Variants in HIKESHI observed in about 807,000 individuals in gnomAD.
HIKESHI encodes heat shock protein nuclear import factor hikeshi.
HIKESHI carries 13 observed loss-of-function variants against 25.7 expected under a neutral mutation model. That is an observed-to-expected ratio of 0.51 (90% confidence interval 0.33 to 0.80). The LOEUF is 0.80. HIKESHI is among the 30% of genes least tolerant of loss of function. HIKESHI has a pLI of 0.02. For synonymous variants in HIKESHI, 76 were observed against 78.7 expected (o/e 0.97, Z 0.18); for missense variants, 174 against 229.5 (o/e 0.76, Z 1.56).
chr11:86,335,869 C>T (rs541652324), intron 2 of HIKESHI, among the ~76,000 whole-genome samples: 16 of 152,262 alleles, frequency 1.1e-4, no homozygotes, highest in Non-Finnish European at 2.4e-4. Flanking sequence ...GTCCAGTTTT[C>T]TACAAAAAAT....
At chr11:86,339,396 T>C (rs1456610551) in intron 3 of HIKESHI, among the ~76,000 whole-genome samples, 1 of 152,220 alleles carries the variant, frequency 6.6e-6, no homozygotes, top group East Asian at 1.9e-4. Context: ...GTCCACAAAA[T>C]AGAATAACAC....
At chr11:86,305,481 G>A (rs773020376) in intron 1 of HIKESHI, among the ~76,000 whole-genome samples, 1 of 151,832 alleles carries the variant, frequency 6.6e-6, no homozygotes, top group Non-Finnish European at 1.5e-5. Flanking sequence ...CTACCTCCTG[G>A]GTTCAAGTGA....
chr11:86,337,984 G>C (rs928445496), intron 3 of HIKESHI, among the ~76,000 whole-genome samples: 1 of 152,062 alleles, frequency 6.6e-6, no homozygotes, highest in East Asian at 1.9e-4. Flanking sequence ...ATAAAATCAA[G>C]CTACTTAACA....
chr11:86,323,394 A>T (rs1469770992), intron 2 of HIKESHI, among the ~76,000 whole-genome samples: 1 of 152,206 alleles, frequency 6.6e-6, no homozygotes, highest in Non-Finnish European at 1.5e-5. Context: ...ATAAATACTT[A>T]TATCTATATA....
At chr11:86,305,227 T>C (rs1418533164) in intron 1 of HIKESHI, among the ~76,000 whole-genome samples, 1 of 151,786 alleles carries the variant, frequency 6.6e-6, no homozygotes, top group Non-Finnish European at 1.5e-5. Context: ...CTTGAACTCC[T>C]GAGCTCAAGC....
At chr11:86,309,167 C>A (rs191548874) in intron 2 of HIKESHI, among the ~76,000 whole-genome samples, 8 of 152,280 alleles carry the variant, frequency 5.3e-5, no homozygotes, top group Admixed American at 5.2e-4. Context: ...AATGGTTGAA[C>A]TAGTTTACAG....
At chr11:86,329,780 A>G (rs1947375371) in intron 2 of HIKESHI, among the ~76,000 whole-genome samples, 1 of 152,044 alleles carries the variant, frequency 6.6e-6, no homozygotes, top group Admixed American at 6.5e-5. Flanking sequence ...ATACTGTCTC[A>G]AAGTCTGCTT....
chr11:86,313,419 A>G (rs900113432), intron 2 of HIKESHI, among the ~76,000 whole-genome samples: 15 of 152,098 alleles, frequency 9.9e-5, no homozygotes, highest in African/African-American at 3.6e-4. Flanking sequence ...TTTAGTAGAG[A>G]TGGGGTTTCA....
chr11:86,322,950 T>A (rs1265442690), intron 2 of HIKESHI, among the ~76,000 whole-genome samples: 1 of 152,148 alleles, frequency 6.6e-6, no homozygotes, highest in Non-Finnish European at 1.5e-5. Context: ...AAATATAGGC[T>A]GGGCACGGTA....
intron 3 of HIKESHI, chr11:86,344,301 AT>A (rs1354162478): frequency 8.3e-6 from 2 of 240,432 alleles, no homozygotes; most frequent in Non-Finnish European, 1.6e-5. Flanking sequence ...CATTGTATGT[AT>A]GATTACTCTT....
intron 2 of HIKESHI, among the ~76,000 whole-genome samples, chr11:86,327,549 C>T (rs1234600760): frequency 1.3e-5 from 2 of 152,056 alleles, no homozygotes; most frequent in African/African-American, 2.4e-5. Flanking sequence ...CTCCTGACCT[C>T]GTGATCCACT....
chr11:86,307,677 A>AT (rs550573810), intron 2 of HIKESHI, among the ~76,000 whole-genome samples: 2 of 38,188 alleles, frequency 5.2e-5, no homozygotes, highest in African/African-American at 1.8e-4. Flanking sequence ...TACATTATAT[A>AT]AAATATATAT....
rs796831448 is a variant in HIKESHI, at chr11:86,331,982, C to CTT, written c.269-5382_269-5381dup. ...CCTTTTGCCATAACTGTTTTCTTTT[C>CTT]TTTTTTTTTTTTTTTTGCGACGGAG... On this transcript the variant is annotated intron_variant, in intron 2 of 4. Coordinates refer to ENST00000278483, the MANE Select transcript of HIKESHI (RefSeq NM_016401.4). 8.0e-4 allele frequency among the ~76,000 whole-genome samples: 104 copies of CTT among 129,492 alleles called. 1 individual carries two copies. The highest frequency in any genetic ancestry group is 1.8e-3 in the African/African-American group (63 of 35,672). The allele number at this position is 129,492 out of a possible 152,430, so 85.0% of individuals were successfully genotyped here.
At chr11:86,326,643 G>T in intron 2 of HIKESHI, 1 of 439,018 alleles carries the variant, frequency 2.3e-6, no homozygotes, top group South Asian at 1.6e-5. Context: ...TCTCTCTATG[G>T]AAGATTAGAC....
At chr11:86,334,545 A>G (rs1947500147) in intron 2 of HIKESHI, among the ~76,000 whole-genome samples, 3 of 152,122 alleles carry the variant, frequency 2.0e-5, no homozygotes, top group Admixed American at 2.0e-4. Flanking sequence ...TCTTCTTTGT[A>G]TTATGATTTA....
chr11:86,308,559 T>TTTTATGTA (rs1555183543), intron 2 of HIKESHI, among the ~76,000 whole-genome samples: 3 of 142,534 alleles, frequency 2.1e-5, no homozygotes, highest in African/African-American at 7.8e-5. Context: ...CCATAATTCT[T>TTTTATGTA]TTTATTTATT....
rs1251861567 is a variant in HIKESHI, at chr11:86,333,601, TAAG to T, written c.269-3771_269-3769del. On this transcript the variant is annotated intron_variant, in intron 2 of 4. Transcript: ENST00000278483. ...AAATATGGTATTCTACTCAGTCATT[TAAG>T]AAGAAGGAATTTCTCACATAATATT... is the stretch of plus-strand genomic sequence containing the variant. Among the ~76,000 whole-genome samples, 10 of 152,270 alleles carry T rather than the reference TAAG, an allele frequency of 6.6e-5. 1 individual carries two copies. Among genetic ancestry groups the T allele is most frequent in the African/African-American group, 9.6e-5 (4 of 41,576 alleles).
At chr11:86,342,451 C>T (rs1479319325) in intron 3 of HIKESHI, among the ~76,000 whole-genome samples, 49 of 150,612 alleles carry the variant, frequency 3.3e-4, no homozygotes, top group Non-Finnish European at 4.9e-4. Context: ...CCTTCTCTGT[C>T]CTGATATGTA....
intron 3 of HIKESHI, among the ~76,000 whole-genome samples, chr11:86,339,318 G>T (rs927344564): frequency 2.0e-5 from 3 of 152,146 alleles, no homozygotes; most frequent in Non-Finnish European, 4.4e-5. Context: ...AAAGTGCTGG[G>T]ATTTCAGGCG....
Sources: allele counts gnomAD v4.1 joint callset (sites outside exome capture counted in the v4.1 genomes callset), GRCh38; gene constraint gnomAD v4.1.1; transcripts MANE v1.5; gene names NCBI Gene and HGNC (gene_info 2026-07-23, HGNC 2026-07-21).